Variants in ROBO2 observed in about 807,000 individuals in gnomAD.
ROBO2 encodes roundabout homolog 2.
Under a neutral mutation model 160.8 loss-of-function variants are expected in ROBO2, and 53 were observed. That is an observed-to-expected ratio of 0.33 (90% CI 0.26 to 0.41). The LOEUF is 0.41. Ranked by LOEUF, ROBO2 falls within the 10% of genes least tolerant of loss-of-function variation. ROBO2 has a pLI of 1.00. For missense variants in ROBO2, 1,577 were observed against 1,722.4 expected, an observed-to-expected ratio of 0.92 and a Z score of 1.49; for synonymous variants, 664 against 611.7, an observed-to-expected ratio of 1.09 and a Z score of -1.26.
At chr3:76,839,598 CTTATCAGAGATA>C (rs936217393) in intron 2 of ROBO2, among the ~76,000 whole-genome samples, 8 of 152,126 alleles carry the variant, frequency 5.3e-5, no homozygotes, top group African/African-American at 1.9e-4. Context: ...TGTATAAATG[CTTATCAGAGATA>C]TTGGCCTGCA....
intron 2 of ROBO2, among the ~76,000 whole-genome samples, chr3:76,886,174 G>T (rs1307579746): frequency 6.6e-6 from 1 of 151,774 alleles, no homozygotes; most frequent in Non-Finnish European, 1.5e-5. Flanking sequence ...CCTTGGGAGA[G>T]CACTTCCTAA....
chr3:76,704,470 A>G (rs1224678146), intron 2 of ROBO2, among the ~76,000 whole-genome samples: 1 of 152,152 alleles, frequency 6.6e-6, no homozygotes, highest in East Asian at 1.9e-4. Flanking sequence ...ACTACTGTCT[A>G]TGTATGAACT....
At chr3:77,235,266 T>A (rs1287866353) in intron 2 of ROBO2, among the ~76,000 whole-genome samples, 1 of 152,186 alleles carries the variant, frequency 6.6e-6, no homozygotes, top group Non-Finnish European at 1.5e-5. Context: ...CTATTGTTTT[T>A]AAATCTATAA....
intron 2 of ROBO2, among the ~76,000 whole-genome samples, chr3:77,413,330 C>G (rs945567356): frequency 6.6e-6 from 1 of 151,920 alleles, no homozygotes; most frequent in East Asian, 1.9e-4. Flanking sequence ...CTTAAATTTA[C>G]GAAAAGCGAG....
chr3:77,512,816 C>T (rs1267641572), intron 5 of ROBO2, among the ~76,000 whole-genome samples: 1 of 151,842 alleles, frequency 6.6e-6, no homozygotes, highest in Admixed American at 6.6e-5. Context: ...TTCAAGTCTC[C>T]TTAAAGGGAA....
chr3:76,179,370 T>C (rs181275557), intron 2 of ROBO2, among the ~76,000 whole-genome samples: 44 of 152,260 alleles, frequency 2.9e-4, no homozygotes, highest in African/African-American at 8.7e-4. Context: ...ACTGCAAACC[T>C]ACCTCTTCCC....
intron 2 of ROBO2, among the ~76,000 whole-genome samples, chr3:76,216,541 C>A (rs1020088995): frequency 3.3e-5 from 5 of 152,044 alleles, no homozygotes; most frequent in African/African-American, 7.2e-5. Context: ...TTTAAACCAA[C>A]AAAGATCAAA....
At chr3:76,141,957 A>G (rs2071685796) in intron 2 of ROBO2, among the ~76,000 whole-genome samples, 1 of 151,982 alleles carries the variant, frequency 6.6e-6, no homozygotes, top group South Asian at 2.1e-4. Flanking sequence ...AGTTAAATGA[A>G]TGACTAAGAA....
At chr3:76,932,685 C>T (rs1355269847) in intron 2 of ROBO2, among the ~76,000 whole-genome samples, 1 of 152,078 alleles carries the variant, frequency 6.6e-6, no homozygotes, top group Non-Finnish European at 1.5e-5. Context: ...GAACTACCTA[C>T]ACAAAAATCT....
chr3:75,972,625 G>A (rs574836146), intron 2 of ROBO2, among the ~76,000 whole-genome samples: 1 of 151,772 alleles, frequency 6.6e-6, no homozygotes, highest in Admixed American at 6.6e-5. Flanking sequence ...TAATTTTCTT[G>A]AATTCAAATC....
intron 19 of ROBO2, among the ~76,000 whole-genome samples, chr3:77,597,932 T>A (rs1344364270): frequency 1.3e-5 from 2 of 152,118 alleles, no homozygotes; most frequent in Non-Finnish European, 2.9e-5. Flanking sequence ...AAGCTGTTGA[T>A]GGATTTTTAA....
Position 75,924,560 on chromosome 3 carries a change from G to C in ROBO2, c.-13-12921G>C, listed in dbSNP as rs144683131. Among the ~76,000 whole-genome samples, 37 of 151,982 alleles carry C rather than the reference G, an allele frequency of 2.4e-4. No individual in the cohort carries two copies. The East Asian group carries it at 3.9e-3, about 16-fold the overall frequency. ...AAAAAATGTGTTGTTTTAAGCCTCT[G>C]AGTTTGTGTTAATTTATTATGAGCA... On this transcript the variant is annotated intron_variant, in intron 1 of 26. Coordinates refer to the ROBO2 transcript ENST00000487694.
intron 2 of ROBO2, among the ~76,000 whole-genome samples, chr3:76,085,128 C>A (rs1295114036): frequency 6.6e-6 from 1 of 151,758 alleles, no homozygotes; most frequent in Non-Finnish European, 1.5e-5. Flanking sequence ...CACACACACA[C>A]ACACACACAC....
At chr3:76,749,373 T>C (rs2093943119) in intron 2 of ROBO2, among the ~76,000 whole-genome samples, 1 of 152,024 alleles carries the variant, frequency 6.6e-6, no homozygotes. Context: ...TCTTAAACTG[T>C]AGTTTGCATC....
chr3:76,543,707 T>G (rs1000404207), intron 2 of ROBO2, among the ~76,000 whole-genome samples: 1 of 152,076 alleles, frequency 6.6e-6, no homozygotes, highest in Non-Finnish European at 1.5e-5. Context: ...TCAAAGAGTA[T>G]GCATTTACTA....
chr3:77,187,135 T>C (rs1435307291), intron 2 of ROBO2, among the ~76,000 whole-genome samples: 1 of 151,992 alleles, frequency 6.6e-6, no homozygotes, highest in Non-Finnish European at 1.5e-5. Flanking sequence ...AGGAAAGCAG[T>C]ATCAGGATTA....
chr3:75,935,534 T>C (rs1341539729), intron 1 of ROBO2, among the ~76,000 whole-genome samples: 1 of 152,046 alleles, frequency 6.6e-6, no homozygotes, highest in Non-Finnish European at 1.5e-5. Flanking sequence ...ACAAAACACT[T>C]GTAATTCCAA....
intron 2 of ROBO2, among the ~76,000 whole-genome samples, chr3:76,683,420 A>G (rs140035063): frequency 6.7e-6 from 1 of 148,718 alleles, no homozygotes; most frequent in Admixed American, 6.8e-5. Context: ...TCAGCGCAAT[A>G]TAGATTTGGA....
At chr3:76,716,753 A>T (rs2093385695) in intron 2 of ROBO2, among the ~76,000 whole-genome samples, 1 of 152,196 alleles carries the variant, frequency 6.6e-6, no homozygotes, top group Admixed American at 6.5e-5. Context: ...GACTTCTGTG[A>T]CTGAGCTCAG....
Sources: allele counts gnomAD v4.1 joint callset (sites outside exome capture counted in the v4.1 genomes callset), GRCh38; gene constraint gnomAD v4.1.1; transcripts MANE v1.5; gene names NCBI Gene and HGNC (gene_info 2026-07-23, HGNC 2026-07-21).